The following PDLIM5 variants were observed in gnomAD, a reference collection of about 807,000 sequenced individuals.
PDLIM5 encodes PDZ and LIM domain 5.
A neutral mutation model predicts 64.2 loss-of-function variants in PDLIM5; 34 were observed. The ratio of observed to expected loss-of-function variants is 0.53; its 90% CI spans 0.40 to 0.71. The LOEUF (loss-of-function observed/expected upper bound fraction) is 0.71. Ranked by LOEUF, PDLIM5 falls within the 30% of genes least tolerant of loss-of-function variation. PDLIM5 has a pLI of 0.00. For missense variants in PDLIM5, 683 were observed against 733.6 expected (o/e 0.93, Z 0.80); for synonymous variants, 253 against 269.1 (o/e 0.94, Z 0.59).
At position 94,461,380 on chromosome 4, in the gene PDLIM5, G is replaced by A. The variant is rs1377939302; in HGVS notation, c.96+5996G>A. Among the ~76,000 whole-genome samples the A allele has an allele frequency of 3.9e-5, 6 of 152,326 alleles. No homozygotes were observed. In the East Asian group the frequency reaches 9.6e-4, roughly 24 times the overall value. On this transcript the variant is annotated intron_variant, in intron 2 of 12. Coordinates refer to ENST00000317968, the MANE Select transcript of PDLIM5 (RefSeq NM_006457.5). ...AAAGAGAAAACATTAAGTAACTAAA[G>A]AGCAGTGACCATGGTGTCTACTGAT...
chr4:94,657,819 G>A (rs979306057), intron 11 of PDLIM5, among the ~76,000 whole-genome samples: 2 of 152,036 alleles, frequency 1.3e-5, no homozygotes, highest in Admixed American at 1.3e-4. Context: ...CGATTCTCCT[G>A]CCTCAGCCTC....
In PDLIM5 at chr4:94,577,163, G is replaced by A. The variant is rs77564896; in HGVS notation, c.710+1129G>A. ...TTGTGACAAAAATGTACCTTAAAAG[G>A]AAGACAAAGGGAAATAGTCTACAGG... On this transcript the variant is annotated intron_variant, in intron 5 of 12. Coordinates refer to ENST00000317968, the MANE Select transcript of PDLIM5 (RefSeq NM_006457.5). The A allele has an allele frequency of 5.7e-3, 2,605 of 454,314 alleles. 41 individuals carry two copies. The highest frequency in any genetic ancestry group is 0.035 in the African/African-American group (1,728 of 50,004). The allele number at this position is 454,314 out of a possible 1,614,324, so 28.1% of individuals were successfully genotyped here.
intron 2 of PDLIM5, among the ~76,000 whole-genome samples, chr4:94,513,231 C>T (rs1304894760): frequency 2.0e-5 from 3 of 152,044 alleles, no homozygotes; most frequent in African/African-American, 7.2e-5. Context: ...TATGTTTCCA[C>T]GTAAATTTTA....
intron 3 of PDLIM5, among the ~76,000 whole-genome samples, chr4:94,529,865 TAAC>T (rs898016986): frequency 1.3e-5 from 2 of 152,158 alleles, no homozygotes; most frequent in African/African-American, 4.8e-5. Context: ...GTCAGGCAAA[TAAC>T]AGTGCTTATT....
chr4:94,550,455 T>C (rs576483488), intron 3 of PDLIM5, among the ~76,000 whole-genome samples: 1 of 152,352 alleles, frequency 6.6e-6, no homozygotes, highest in African/African-American at 2.4e-5. Context: ...TTTTAAGCTC[T>C]ATCTGTTGTC....
intron 2 of PDLIM5, among the ~76,000 whole-genome samples, chr4:94,515,377 ACTTAC>A (rs762607267): frequency 2.0e-5 from 3 of 152,208 alleles, no homozygotes; most frequent in Non-Finnish European, 4.4e-5. Flanking sequence ...TATAAGCTAT[ACTTAC>A]CTTAGCATGT....
intron 8 of PDLIM5, among the ~76,000 whole-genome samples, chr4:94,628,431 A>C (rs1483407233): frequency 6.6e-6 from 1 of 152,232 alleles, no homozygotes; most frequent in Non-Finnish European, 1.5e-5. Flanking sequence ...ATAGAAATTT[A>C]AGGAGTATCC....
chr4:94,506,582 C>T (rs1375580373), intron 2 of PDLIM5, among the ~76,000 whole-genome samples: 2 of 152,102 alleles, frequency 1.3e-5, no homozygotes, highest in East Asian at 1.9e-4. Flanking sequence ...GTCCTCATGA[C>T]CTGATCACCT....
intron 9 of PDLIM5, among the ~76,000 whole-genome samples, chr4:94,644,560 C>G (rs1232669855): frequency 1.3e-5 from 2 of 150,640 alleles, no homozygotes; most frequent in African/African-American, 4.9e-5. Context: ...GAATCTCCCT[C>G]TGTTGCCCAG....
At chr4:94,636,693 G>C (rs114158841) in intron 8 of PDLIM5, among the ~76,000 whole-genome samples, 6,816 of 151,824 alleles carry the variant, frequency 0.045, 285 homozygotes, top group East Asian at 0.15. Flanking sequence ...CCCACCACGC[G>C]CAGCTAATTT....
In PDLIM5 at chr4:94,559,445, A is replaced by G. The variant is rs1391208389; in HGVS notation, c.249-13906A>G. On this transcript the variant is annotated intron_variant, in intron 3 of 12. Coordinates refer to ENST00000317968, the MANE Select transcript of PDLIM5 (RefSeq NM_006457.5). ...AACTCACGTAAGGCAGAGATTCAAC[A>G]AGAAGAGCAGTGAATCATGCTACAT... Among the ~76,000 whole-genome samples, 13 of 152,210 alleles carry G rather than the reference A, an allele frequency of 8.5e-5. 1 individual carries two copies. The highest frequency in any genetic ancestry group is 2.4e-5 in the African/African-American group (1 of 41,464).
At chr4:94,649,062 G>A (rs563323977) in intron 9 of PDLIM5, among the ~76,000 whole-genome samples, 5 of 151,750 alleles carry the variant, frequency 3.3e-5, no homozygotes, top group East Asian at 3.9e-4. Context: ...TGCAACCTCC[G>A]CCTCCTGGGT....
intron 2 of PDLIM5, among the ~76,000 whole-genome samples, chr4:94,481,591 T>C (rs1036801023): frequency 6.6e-6 from 1 of 151,420 alleles, no homozygotes; most frequent in Admixed American, 6.6e-5. Context: ...ATTATTCCAG[T>C]TGTTGTTTTG....
chr4:94,543,193 A>G (rs1191331669), intron 3 of PDLIM5, among the ~76,000 whole-genome samples: 5 of 152,198 alleles, frequency 3.3e-5, no homozygotes, highest in Non-Finnish European at 7.4e-5. Flanking sequence ...CCAGTTCTGG[A>G]GGCAAGTCCC....
intron 3 of PDLIM5, among the ~76,000 whole-genome samples, chr4:94,562,371 C>A (rs1733923114): frequency 6.6e-6 from 1 of 152,120 alleles, no homozygotes; most frequent in African/African-American, 2.4e-5. Flanking sequence ...GTTATTGCTT[C>A]ATACTTGTAT....
At position 94,586,452 on chromosome 4, in the gene PDLIM5, CTCTA is replaced by C. The variant is rs1233082492; in HGVS notation, c.920+12_920+15del. Reference sequence around the variant, plus strand: ...TAATACAAAGAAGGCAAAGTAAGTTCTCTATCTTTTTGACAATTGAATGTTTTCC... The same window carrying C: ...TAATACAAAGAAGGCAAAGTAAGTTCTCTTTTTGACAATTGAATGTTTTCC... On this transcript the variant is annotated intron_variant, in intron 7 of 12. Transcript: ENST00000317968. 2.7e-6 allele frequency: 4 copies of C among 1,494,824 alleles called. No individual in the cohort carries two copies. In the South Asian group the frequency reaches 3.5e-5, roughly 13 times the overall value. The allele number at this position is 1,494,824 out of a possible 1,614,324, so 92.6% of individuals were successfully genotyped here. A position where few individuals can be genotyped will look rare whatever the true frequency, so the allele number is the denominator to read the frequency against.
chr4:94,597,194 A>C (rs183622779), intron 7 of PDLIM5, among the ~76,000 whole-genome samples: 299 of 152,276 alleles, frequency 2.0e-3, no homozygotes, highest in African/African-American at 6.8e-3. Flanking sequence ...GAAAGATTTT[A>C]ATGTCTTCAG....
At chr4:94,660,359 G>A (rs1742583770) in intron 11 of PDLIM5, among the ~76,000 whole-genome samples, 1 of 152,016 alleles carries the variant, frequency 6.6e-6, no homozygotes, top group South Asian at 2.1e-4. Context: ...TAACTTGAAT[G>A]TTCTTTGTCA....
intron 6 of PDLIM5, 70 bp downstream of exon 6, chr4:94,585,807 T>G (rs1440078378): frequency 1.6e-6 from 2 of 1,256,300 alleles, no homozygotes; most frequent in African/African-American, 3.0e-5. Flanking sequence ...TGAGACTGAT[T>G]GGTAGTTGTC....
Sources: gnomAD v4.1 joint callset for allele counts (sites outside exome capture counted in the v4.1 genomes callset) on GRCh38, gnomAD v4.1.1 for gene constraint, MANE v1.5 for transcripts, NCBI Gene and HGNC (gene_info 2026-07-23, HGNC 2026-07-21) for gene names.